The following ADCY10 variants were observed in gnomAD, a reference collection of about 807,000 sequenced individuals.
The protein encoded by ADCY10 is adenylate cyclase 10.
A neutral mutation model predicts 183.3 loss-of-function variants in ADCY10; 156 were observed. The ratio of observed to expected loss-of-function variants is 0.85; its 90% CI spans 0.75 to 0.97. The LOEUF (loss-of-function observed/expected upper bound fraction) is 0.97. ADCY10 is among the 50% of genes least tolerant of loss of function. The pLI is 0.00. For missense variants in ADCY10, 1,745 were observed against 1,934.3 expected (o/e 0.90, Z 1.84); for synonymous variants, 645 against 670.0 (o/e 0.96, Z 0.58).
rs1389307543 is a variant in ADCY10 at position 167,845,582 on chromosome 1, A to C, written c.2988T>G (p.Ala996=). The C allele has an allele frequency of 6.2e-7, 1 of 1,614,072 alleles. No individual in the cohort carries two copies. The highest frequency in any genetic ancestry group is 1.7e-5 in the Admixed American group (1 of 60,008). The change falls in exon 21 of 33, where the codon GCT becomes GCG. Residue 996 remains alanine (A), a synonymous_variant. Coordinates refer to ENST00000367851, the MANE Select transcript of ADCY10 (RefSeq NM_018417.6). The part of the protein sequence containing the change: ...ALDMDAIKKM[A]MSHGFKTEEK... Reference sequence around the variant, plus strand: ...GGTTACTTTTAAATCCATGAGACATAGCCATCTTTTTAATGGCATCCATGT... The same window carrying C: ...GGTTACTTTTAAATCCATGAGACATCGCCATCTTTTTAATGGCATCCATGT...
chr1:167,833,947 T>C (rs757370647), intron 24 of ADCY10, 23 bp downstream of exon 24: 1 of 1,574,480 alleles, frequency 6.4e-7, no homozygotes, highest in Non-Finnish European at 8.7e-7. Context: ...ACAGATAAAT[T>C]CAAGTCTTTA....
chr1:167,893,750 A>G (rs1042371230), intron 8 of ADCY10, 103 bp downstream of exon 8: 17 of 644,442 alleles, frequency 2.6e-5, no homozygotes, highest in Non-Finnish European at 4.1e-5. Flanking sequence ...GGAACATTTT[A>G]CTATTTACTA....
chr1:167,903,938 C>A lies in ADCY10; in HGVS notation c.202G>T (p.Ala68Ser). The A allele has an allele frequency of 6.2e-7, 1 of 1,614,030 alleles. No individual in the cohort carries two copies. Among genetic ancestry groups the A allele is most frequent in the Non-Finnish European group, 8.5e-7 (1 of 1,179,908 alleles). The change falls in exon 3 of 33, where the codon GCT becomes TCT. Residue 68 changes from alanine (A) to serine (S), a missense_variant. Physicochemically the swap from Ala to Ser is moderately conservative, Grantham distance 99 (BLOSUM62 1). Coordinates refer to ENST00000367851, the MANE Select transcript of ADCY10 (RefSeq NM_018417.6). ...FSSAMYMDRG[A>S]EQLVEILNYH... ...TTGAGGATCTCCACCAACTGCTCAG[C>A]CCCTCTGTCCATGTACATGGCACTG...
chr1:167,862,444 A>G (rs1666353886), intron 14 of ADCY10, among the ~76,000 whole-genome samples: 1 of 152,188 alleles, frequency 6.6e-6, no homozygotes, highest in Admixed American at 6.5e-5. Context: ...TGGAACACCA[A>G]AGATGGCCAG....
chr1:167,887,300 T>C (rs1192568076), intron 8 of ADCY10, among the ~76,000 whole-genome samples: 1 of 152,236 alleles, frequency 6.6e-6, no homozygotes, highest in African/African-American at 2.4e-5. Flanking sequence ...CCAACCCAAA[T>C]GTCCATCAGT....
chr1:167,810,746 T>C lies in ADCY10; in HGVS notation c.4650A>G (p.Lys1550=). 1 of 1,614,238 alleles carries C rather than the reference T, an allele frequency of 6.2e-7. No homozygotes were observed. The highest frequency in any genetic ancestry group is 8.5e-7 in the Non-Finnish European group (1 of 1,180,042). Residue 1550 remains lysine (K), a synonymous_variant, in exon 32 of 33, where the codon AAA becomes AAG. Coordinates refer to ENST00000367851, the MANE Select transcript of ADCY10 (RefSeq NM_018417.6). ...LSETQGNILE[K]CWLNMNKESW... The stretch of plus-strand genomic sequence containing the variant: ...ATACTTTGTTCATGTTCAGCCAGCA[T>C]TTCTCCAGTATATTCCCCTGTGTTT...
In ADCY10 at chr1:167,834,208, C is replaced by G; in HGVS notation, c.3310-131G>C. The G allele has an allele frequency of 5.5e-6, 4 of 721,130 alleles. No homozygotes were observed. In the South Asian group the frequency reaches 6.0e-5, roughly 11 times the overall value. The allele number at this position is 721,130 out of a possible 1,614,324, so 44.7% of individuals were successfully genotyped here. A position where few individuals can be genotyped will look rare whatever the true frequency, so the allele number is the denominator to read the frequency against. ...TCAGTTACCACCTCCACTTCCATCCCCAGCTCCACTGATTAAAATGGGCTT... is the reference window on the plus strand; with the variant it reads ...TCAGTTACCACCTCCACTTCCATCCGCAGCTCCACTGATTAAAATGGGCTT... On this transcript the variant is annotated intron_variant, in intron 23 of 32. Transcript: ENST00000367851.
chr1:167,818,333 A>G, intron 30 of ADCY10, 66 bp from the exon 31 acceptor site: 2 of 1,428,282 alleles, frequency 1.4e-6, no homozygotes, highest in Non-Finnish European at 2.0e-6. Context: ...GCTTTCTGAA[A>G]TGTCTCTCTG....
intron 1 of ADCY10, among the ~76,000 whole-genome samples, chr1:167,911,658 A>G (rs1222349995): frequency 6.6e-6 from 1 of 152,078 alleles, no homozygotes; most frequent in Non-Finnish European, 1.5e-5. Flanking sequence ...TGTTCAGTGT[A>G]CTCTCGTGGC....
rs79299595 is a variant in ADCY10 at position 167,894,188 on chromosome 1, G to A, written c.740-247C>T. ...AAAACCTTGTTCAAACTGACATGAC[G>A]CTTTGGGACTTAGGGAGATTTTCAC... On this transcript the variant is annotated intron_variant, in intron 7 of 32. Transcript: ENST00000367851. 1.9e-3 allele frequency among the ~76,000 whole-genome samples: 285 copies of A among 152,306 alleles called. 2 individuals carry two copies. The highest frequency in any genetic ancestry group is 2.2e-3 in the Non-Finnish European group (153 of 68,030).
intron 9 of ADCY10, among the ~76,000 whole-genome samples, chr1:167,882,282 C>T (rs557483778): frequency 6.6e-6 from 1 of 152,032 alleles, no homozygotes; most frequent in South Asian, 2.1e-4. Flanking sequence ...GTCAGGAATT[C>T]GAGACCCACC....
intron 16 of ADCY10, among the ~76,000 whole-genome samples, chr1:167,857,629 C>G (rs1666002030): frequency 6.6e-6 from 1 of 152,106 alleles, no homozygotes; most frequent in Non-Finnish European, 1.5e-5. Context: ...TGAAAAAAAG[C>G]CAACACTTAC....
chr1:167,845,527 G>T (rs1664942321), intron 21 of ADCY10, 36 bp downstream of exon 21: 2 of 1,607,864 alleles, frequency 1.2e-6, no homozygotes, highest in East Asian at 2.2e-5. Context: ...GATTTCCCAA[G>T]AACAGTTAGG....
At chr1:167,897,589 T>A (rs377217482) in intron 6 of ADCY10, among the ~76,000 whole-genome samples, 76 of 76 alleles carry the variant, frequency 1, 38 homozygotes, top group Non-Finnish European at 1. Flanking sequence ...CATCAGGCAG[T>A]GCTAACCAGA....
intron 30 of ADCY10, chr1:167,819,803 G>C: frequency 1.8e-6 from 1 of 558,762 alleles, no homozygotes; most frequent in East Asian, 3.4e-5. Flanking sequence ...GACCTCAGGT[G>C]ATCTGCCGGC....
chr1:167,836,197 T>G, intron 23 of ADCY10, 112 bp downstream of exon 23: 1 of 746,000 alleles, frequency 1.3e-6, no homozygotes, highest in Admixed American at 2.0e-5. Flanking sequence ...AAAGGGGTGC[T>G]GTCGGGAATA....
At chr1:167,818,602 AT>A (rs1662676431) in intron 30 of ADCY10, among the ~76,000 whole-genome samples, 6 of 152,158 alleles carry the variant, frequency 3.9e-5, no homozygotes, top group Admixed American at 3.9e-4. Context: ...CAATGGCACA[AT>A]CTTGGCTTAC....
rs996858935 is a variant in ADCY10 at position 167,823,007 on chromosome 1, C to T, written c.4168+1G>A. ...CTTTTACATCCCAAACCCACACTTA[C>T]CAGAATAAAGCAGGATGTCCAAGCA... On this transcript the variant is annotated splice_donor_variant, in intron 29 of 32. Transcript: ENST00000367851. LOFTEE classifies it high-confidence loss of function. 21 of 1,613,420 alleles carry T rather than the reference C, an allele frequency of 1.3e-5. No homozygotes were observed. Among genetic ancestry groups the T allele is most frequent in the Non-Finnish European group, 1.6e-5 (19 of 1,179,576 alleles).
chr1:167,887,196 G>A (rs927156846), intron 8 of ADCY10, among the ~76,000 whole-genome samples: 1 of 152,142 alleles, frequency 6.6e-6, no homozygotes, highest in Non-Finnish European at 1.5e-5. Flanking sequence ...CCATTACTGG[G>A]TATGTACCCA....
Sources: allele counts gnomAD v4.1 joint callset (sites outside exome capture counted in the v4.1 genomes callset), GRCh38; gene constraint gnomAD v4.1.1; transcripts MANE v1.5; gene names NCBI Gene and HGNC (gene_info 2026-07-23, HGNC 2026-07-21).